TIAM2: variants seen among roughly 807,000 people sequenced by gnomAD.
TIAM2 encodes the protein rho guanine nucleotide exchange factor TIAM2.
In TIAM2, 80 loss-of-function variants were observed where a neutral mutation model predicts 152.9. That is an observed-to-expected ratio of 0.52 (90% confidence interval 0.44 to 0.63). TIAM2 has a LOEUF of 0.63. TIAM2 is among the 30% of genes least tolerant of loss of function. TIAM2 has a pLI of 0.00. For missense variants in TIAM2, 1,965 were observed against 2,120.1 expected (o/e 0.93, Z 1.44); for synonymous variants, 804 against 838.0 (o/e 0.96, Z 0.70).
intron 14 of TIAM2, among the ~76,000 whole-genome samples, chr6:155,210,631 C>A (rs1002555177): frequency 2.6e-5 from 4 of 152,200 alleles, no homozygotes; most frequent in African/African-American, 9.7e-5. Flanking sequence ...GCCACCACAC[C>A]TGGCCCATAT....
intron 7 of TIAM2, among the ~76,000 whole-genome samples, chr6:155,148,595 T>TAATTTGAA (rs1779873347): frequency 6.6e-6 from 1 of 152,226 alleles, no homozygotes; most frequent in Non-Finnish European, 1.5e-5. Context: ...ACTTAATTCC[T>TAATTTGAA]AATTTGAATA....
At chr6:155,181,233 A>T (rs2115139753) in intron 12 of TIAM2, among the ~76,000 whole-genome samples, 1 of 152,248 alleles carries the variant, frequency 6.6e-6, no homozygotes, top group South Asian at 2.1e-4. Flanking sequence ...ACAGAGGGGG[A>T]CACTAAGTCA....
intron 2 of TIAM2, among the ~76,000 whole-genome samples, chr6:155,119,706 A>T (rs755784306): frequency 1.3e-5 from 2 of 152,226 alleles, no homozygotes; most frequent in Non-Finnish European, 2.9e-5. Context: ...CTTAGAGTGG[A>T]TGTACCATTC....
chr6:155,210,117 G>A (rs1006593113), intron 14 of TIAM2, among the ~76,000 whole-genome samples: 1 of 152,158 alleles, frequency 6.6e-6, no homozygotes, highest in Non-Finnish European at 1.5e-5. Context: ...GATAGAGGCT[G>A]GTCTTTCTGT....
intron 2 of TIAM2, among the ~76,000 whole-genome samples, chr6:155,121,527 C>T (rs578110747): frequency 6.6e-6 from 1 of 152,192 alleles, no homozygotes; most frequent in African/African-American, 2.4e-5. Flanking sequence ...AACCCGAGTT[C>T]GCTGACACAA....
At chr6:154,999,942 G>T (rs1778286536) in intron 1 of TIAM2, among the ~76,000 whole-genome samples, 3 of 152,092 alleles carry the variant, frequency 2.0e-5, no homozygotes, top group Non-Finnish European at 4.4e-5. Context: ...CTCCCAAAGT[G>T]CTGGGATTAC....
chr6:155,052,622 C>T (rs1467442693), intron 1 of TIAM2, among the ~76,000 whole-genome samples: 2 of 151,876 alleles, frequency 1.3e-5, no homozygotes, highest in African/African-American at 4.8e-5. Context: ...AAAAATTAGT[C>T]GGGCATGGTG....
chr6:155,191,036 T>C (rs145897653), intron 14 of TIAM2, among the ~76,000 whole-genome samples: 42 of 152,364 alleles, frequency 2.8e-4, no homozygotes, highest in African/African-American at 8.9e-4. Context: ...TTTTTAGCTC[T>C]CGTGTTTAGA....
intron 1 of TIAM2, among the ~76,000 whole-genome samples, chr6:155,074,867 A>AC (rs1268582086): frequency 2.0e-5 from 3 of 151,422 alleles, no homozygotes; most frequent in South Asian, 2.1e-4. Flanking sequence ...AAAAAAAAAA[A>AC]AAAAAAAAAA....
intron 15 of TIAM2, among the ~76,000 whole-genome samples, chr6:155,219,301 G>C (rs1281832282): frequency 6.6e-6 from 1 of 152,188 alleles, no homozygotes; most frequent in Admixed American, 6.5e-5. Context: ...AATAAAAATA[G>C]TGTATGTTAG....
At chr6:155,235,995 T>A (rs1405561400) in intron 15 of TIAM2, among the ~76,000 whole-genome samples, 7 of 152,174 alleles carry the variant, frequency 4.6e-5, no homozygotes, top group African/African-American at 1.7e-4. Flanking sequence ...TCAAGCTTAA[T>A]ATAGATTCTA....
At chr6:155,150,849 C>T (rs530815815) in intron 7 of TIAM2, among the ~76,000 whole-genome samples, 48 of 152,144 alleles carry the variant, frequency 3.2e-4, no homozygotes, top group Admixed American at 1.3e-4. Flanking sequence ...CACGAGGGCT[C>T]ACCATTATGA....
intron 25 of TIAM2, 27 bp from the exon 26 acceptor site, chr6:155,254,392 T>C (rs780195837): frequency 6.2e-7 from 1 of 1,607,348 alleles, no homozygotes; most frequent in South Asian, 1.1e-5. Flanking sequence ...TGGACACTTC[T>C]GCTGTTTTCT....
chr6:155,047,501 C>T (rs1436041395), intron 1 of TIAM2, among the ~76,000 whole-genome samples: 2 of 152,092 alleles, frequency 1.3e-5, no homozygotes, highest in African/African-American at 4.8e-5. Context: ...TTCTTTAAGC[C>T]TTAAACGTGA....
At position 155,159,600 on chromosome 6, in the gene TIAM2, C is replaced by T. The variant is rs2115089263; in HGVS notation, c.2029-4815C>T. Reference sequence around the variant, plus strand: ...CAATTTCATTGTGAATGTTAACAGCCTTTCTAAATACTATAAGGTCTGTTG... The same window carrying T: ...CAATTTCATTGTGAATGTTAACAGCTTTTCTAAATACTATAAGGTCTGTTG... On this transcript the variant is annotated intron_variant, in intron 7 of 26. Coordinates refer to ENST00000682666, the MANE Select transcript of TIAM2 (RefSeq NM_012454.4). Among the ~76,000 whole-genome samples, 2 of 152,236 alleles carry T rather than the reference C, an allele frequency of 1.3e-5. 1 individual carries two copies. The highest frequency in any genetic ancestry group is 4.2e-4 in the South Asian group (2 of 4,806).
intron 14 of TIAM2, among the ~76,000 whole-genome samples, chr6:155,201,440 C>A (rs1781469580): frequency 6.6e-6 from 1 of 152,140 alleles, no homozygotes; most frequent in Non-Finnish European, 1.5e-5. Context: ...ATTGGGGTGT[C>A]CTCCCAGTAC....
chr6:155,078,441 C>T (rs2039498), intron 1 of TIAM2, among the ~76,000 whole-genome samples: 49,589 of 152,060 alleles, frequency 0.33, 8,694 homozygotes, highest in East Asian at 0.64. Context: ...CTTGTACTCA[C>T]GTCACGCATG....
At chr6:155,196,281 G>T (rs1404833170) in intron 14 of TIAM2, among the ~76,000 whole-genome samples, 1 of 152,198 alleles carries the variant, frequency 6.6e-6, no homozygotes, top group African/African-American at 2.4e-5. Flanking sequence ...GAAGATGGGT[G>T]TGGAGCAGCT....
chr6:155,219,227 C>CT (rs1009761788), intron 15 of TIAM2, among the ~76,000 whole-genome samples: 7 of 152,102 alleles, frequency 4.6e-5, no homozygotes, highest in Non-Finnish European at 7.4e-5. Flanking sequence ...CGTGTAGCTG[C>CT]TTTTTTTTAA....
Sources: allele counts gnomAD v4.1 joint callset (sites outside exome capture counted in the v4.1 genomes callset), GRCh38; gene constraint gnomAD v4.1.1; transcripts MANE v1.5; gene names NCBI Gene and HGNC (gene_info 2026-07-23, HGNC 2026-07-21).